The following MYO6 variants were observed in gnomAD, a reference collection of about 807,000 sequenced individuals.
MYO6 encodes the protein unconventional myosin-VI.
MYO6 carries 74 observed loss-of-function variants against 178.7 expected under a neutral mutation model. The observed-to-expected ratio is 0.41, with a 90% CI of 0.34 to 0.50. The LOEUF (loss-of-function observed/expected upper bound fraction) is 0.50, where lower values mean the gene tolerates loss of function less well. MYO6 is among the 20% of genes least tolerant of loss of function. The probability of loss-of-function intolerance (pLI) is 0.09; values close to 1 mark genes in which losing one functional copy is unlikely to be tolerated. For synonymous variants in MYO6, 477 were observed against 504.6 expected (o/e 0.95, Z 0.73); for missense variants, 1,330 against 1,547.4 (o/e 0.86, Z 2.36).
chr6:75,889,700 A>G (rs947832111), intron 25 of MYO6, among the ~76,000 whole-genome samples: 1 of 152,238 alleles, frequency 6.6e-6, no homozygotes, highest in African/African-American at 2.4e-5. Flanking sequence ...GGTGTGAGCC[A>G]CTGCACCCGG....
chr6:75,763,319 C>T (rs755971978), intron 1 of MYO6, among the ~76,000 whole-genome samples: 4 of 152,104 alleles, frequency 2.6e-5, no homozygotes, highest in African/African-American at 4.8e-5. Context: ...CCACTGTGCC[C>T]GGCATAATTT....
chr6:75,756,622 T>C (rs1407715186), intron 1 of MYO6, among the ~76,000 whole-genome samples: 1 of 152,148 alleles, frequency 6.6e-6, no homozygotes, highest in Non-Finnish European at 1.5e-5. Flanking sequence ...CATGAGCCAC[T>C]GTGCCTGGCC....
intron 1 of MYO6, among the ~76,000 whole-genome samples, chr6:75,751,705 T>G (rs147100960): frequency 1.3e-5 from 2 of 152,328 alleles, no homozygotes; most frequent in East Asian, 3.9e-4. Flanking sequence ...TGGTGTATCA[T>G]GTAGCCCATT....
At chr6:75,805,372 T>C (rs1769970525) in intron 1 of MYO6, among the ~76,000 whole-genome samples, 1 of 152,096 alleles carries the variant, frequency 6.6e-6, no homozygotes, top group Non-Finnish European at 1.5e-5. Flanking sequence ...CAACAGCTCA[T>C]GTTTTGTGAT....
chr6:75,914,087 T>G lies in MYO6; in HGVS notation c.3464T>G (p.Ile1155Ser). Residue 1155 changes from isoleucine (I) to serine (S), a missense_variant, in exon 34 of 35, where the codon ATT (isoleucine) becomes AGT (serine). Transcript: ENST00000369977. ...GCTCAGCAAAACCCAGCAGCTCAGA[T>G]TCCTGCCAGGCAGCGGGAGATTGAA... ...NSPQQNPAAQ[I>S]PARQREIEMN... 6.2e-7 allele frequency: 1 copy of G among 1,614,144 alleles called. No individual in the cohort carries two copies. The highest frequency in any genetic ancestry group is 8.5e-7 in the Non-Finnish European group (1 of 1,180,016).
At position 75,897,135 on chromosome 6, in the gene MYO6, A is replaced by G. The variant is rs570300545; in HGVS notation, c.3138-1238A>G. Reference sequence around the variant, plus strand: ...GATTTGAAAGTCCATAGACTCCCTTAAAACCTACCATGGGAAAAGAAATGG... The same window carrying G: ...GATTTGAAAGTCCATAGACTCCCTTGAAACCTACCATGGGAAAAGAAATGG... On this transcript the variant is annotated intron_variant, in intron 29 of 34. Coordinates refer to ENST00000369977, the MANE Select transcript of MYO6 (RefSeq NM_004999.4). Among the ~76,000 whole-genome samples, 49 of 152,322 alleles carry G rather than the reference A, an allele frequency of 3.2e-4. No individual in the cohort carries two copies. In the South Asian group the frequency reaches 9.9e-3, roughly 31 times the overall value.
At chr6:75,903,216 G>C (rs1197954901) in intron 30 of MYO6, among the ~76,000 whole-genome samples, 1 of 151,660 alleles carries the variant, frequency 6.6e-6, no homozygotes, top group Non-Finnish European at 1.5e-5. Context: ...ATTTGGGGTG[G>C]AGAGTTCTGT....
intron 29 of MYO6, among the ~76,000 whole-genome samples, chr6:75,897,381 G>T (rs1352096329): frequency 6.6e-6 from 1 of 152,136 alleles, no homozygotes; most frequent in African/African-American, 2.4e-5. Flanking sequence ...TTTTGTTTTT[G>T]CTGTCCTTCA....
At chr6:75,913,090 G>T (rs1373155328) in intron 33 of MYO6, among the ~76,000 whole-genome samples, 1 of 152,032 alleles carries the variant, frequency 6.6e-6, no homozygotes, top group Non-Finnish European at 1.5e-5. Flanking sequence ...GACACACTTG[G>T]ATTTTCATAG....
chr6:75,776,955 C>G (rs1258146260), intron 1 of MYO6, among the ~76,000 whole-genome samples: 5 of 152,106 alleles, frequency 3.3e-5, no homozygotes, highest in Admixed American at 3.3e-4. Context: ...AAAATTATTG[C>G]ATGACTCTCT....
intron 30 of MYO6, among the ~76,000 whole-genome samples, chr6:75,907,075 A>G (rs780114555): frequency 2.2e-4 from 33 of 152,246 alleles, no homozygotes; most frequent in Non-Finnish European, 3.8e-4. Context: ...CTACTTACCT[A>G]TGTACTCTGT....
intron 27 of MYO6, 139 bp downstream of exon 27, chr6:75,891,445 A>G (rs531436492): frequency 1.9e-6 from 1 of 540,454 alleles, no homozygotes; most frequent in East Asian, 4.4e-5. Flanking sequence ...ATCCTGGCTA[A>G]CATGGTGAAA....
At chr6:75,855,356 C>A (rs2149278701) in intron 12 of MYO6, 73 bp downstream of exon 12, 1 of 1,464,750 alleles carries the variant, frequency 6.8e-7, no homozygotes, top group Non-Finnish European at 9.5e-7. Flanking sequence ...AAGTTACATT[C>A]TGTTTAAAAC....
chr6:75,798,857 C>T (rs550012916), intron 1 of MYO6, among the ~76,000 whole-genome samples: 44 of 152,254 alleles, frequency 2.9e-4, no homozygotes, highest in Middle Eastern at 3.4e-3. Flanking sequence ...GTGGAAAACC[C>T]TGAAGTTTCT....
intron 9 of MYO6, among the ~76,000 whole-genome samples, chr6:75,843,803 G>A (rs1222547221): frequency 6.7e-6 from 1 of 150,190 alleles, no homozygotes; most frequent in Non-Finnish European, 1.5e-5. Context: ...TGTTTTTACT[G>A]TATTTTAGCA....
At chr6:75,806,583 A>G (rs941127732) in intron 1 of MYO6, among the ~76,000 whole-genome samples, 6 of 152,216 alleles carry the variant, frequency 3.9e-5, no homozygotes, top group Non-Finnish European at 7.3e-5. Context: ...CATGATGGCC[A>G]TAACGCCCAT....
chr6:75,798,768 G>T (rs1009067502), intron 1 of MYO6, among the ~76,000 whole-genome samples: 4 of 152,122 alleles, frequency 2.6e-5, no homozygotes, highest in Admixed American at 1.3e-4. Flanking sequence ...GAGCAGTCAG[G>T]CAAGAGAATA....
chr6:75,828,650 A>T (rs769139185), intron 4 of MYO6, 37 bp downstream of exon 4: 13 of 1,271,940 alleles, frequency 1.0e-5, no homozygotes, highest in Non-Finnish European at 1.5e-5. Context: ...TTTTGTGGAG[A>T]TAATTATTTC....
At chr6:75,819,954 A>C (rs903856298) in intron 2 of MYO6, among the ~76,000 whole-genome samples, 2 of 152,110 alleles carry the variant, frequency 1.3e-5, no homozygotes, top group Admixed American at 6.5e-5. Context: ...CTGGTGGCTG[A>C]AGTGCACTTA....
Sources: allele counts gnomAD v4.1 joint callset (sites outside exome capture counted in the v4.1 genomes callset), GRCh38; gene constraint gnomAD v4.1.1; transcripts MANE v1.5; gene names NCBI Gene and HGNC (gene_info 2026-07-23, HGNC 2026-07-21).